Variants in FER observed in about 807,000 individuals in gnomAD.
FER encodes the protein tyrosine-protein kinase Fer.
Under a neutral mutation model 111.0 loss-of-function variants are expected in FER, and 63 were observed. That is an observed-to-expected ratio of 0.57 (90% CI 0.46 to 0.70). The LOEUF is 0.70. Among genes scored for constraint, FER ranks in the 30% least tolerant of loss-of-function variants. FER has a pLI of 0.00. For synonymous variants in FER, 327 were observed against 313.9 expected (o/e 1.04, Z -0.44); for missense variants, 914 against 954.0 (o/e 0.96, Z 0.55).
At chr5:109,051,865 A>G (rs1772880547) in intron 16 of FER, 2 of 1,570,664 alleles carry the variant, frequency 1.3e-6, no homozygotes, top group Non-Finnish European at 1.8e-6. Context: ...GCAAGAGAGG[A>G]AGCAGTCCAC....
intron 15 of FER, among the ~76,000 whole-genome samples, chr5:109,046,346 AATAT>A (rs145546640): frequency 6.7e-6 from 1 of 149,824 alleles, no homozygotes; most frequent in African/African-American, 2.4e-5. Context: ...TGTGTTAAAA[AATAT>A]ATATATATAT....
rs188414586 is a variant in FER, at chr5:109,193,959, A to T, written c.*6384A>T. ...TTGGAGTCCTAGATGTGGAGACAGG[A>T]TGATCAGGTCACACTTGTTAGATGA... On this transcript the variant is annotated 3_prime_UTR_variant, in exon 20 of 20. Coordinates refer to ENST00000281092, the MANE Select transcript of FER (RefSeq NM_005246.4). The T allele has an allele frequency of 6.6e-6, 1 of 152,202 alleles. No homozygotes were observed. The highest frequency in any genetic ancestry group is 1.5e-5 in the Non-Finnish European group (1 of 68,056). 9.4% of individuals were successfully genotyped at this position (152,202 alleles called of 1,614,324 possible).
chr5:108,827,383 A>C (rs1203321100), intron 3 of FER, among the ~76,000 whole-genome samples: 1 of 152,174 alleles, frequency 6.6e-6, no homozygotes, highest in Non-Finnish European at 1.5e-5. Context: ...TCCGTACCCT[A>C]TATCTTGAAG....
chr5:108,997,711 C>T (rs1224378529), intron 13 of FER, among the ~76,000 whole-genome samples: 2 of 152,072 alleles, frequency 1.3e-5, no homozygotes, highest in Non-Finnish European at 2.9e-5. Flanking sequence ...ACGGTTATGT[C>T]TGCTGAAGCT....
chr5:108,946,249 C>T (rs1426716105), intron 11 of FER, 27 bp downstream of exon 11: 7 of 1,518,928 alleles, frequency 4.6e-6, no homozygotes, highest in Non-Finnish European at 6.4e-6. Flanking sequence ...CTCTGTGCTA[C>T]TGAAAATGGT....
rs1293800990 is a variant in FER at position 109,070,510 on chromosome 5, A to T, written c.1924+23312A>T. 1.8e-4 allele frequency among the ~76,000 whole-genome samples: 27 copies of T among 152,034 alleles called. 1 individual carries two copies. Among genetic ancestry groups the T allele is most frequent in the Admixed American group, 1.6e-3 (24 of 15,264 alleles). On this transcript the variant is annotated intron_variant, in intron 16 of 19. Transcript: ENST00000281092. ...AGGTGTTCCCTGTGACGAGCAAGAT[A>T]ATAACATAACAGTAGCTCCATAATA...
chr5:109,118,973 G>C (rs1750620760), intron 17 of FER, among the ~76,000 whole-genome samples: 1 of 148,584 alleles, frequency 6.7e-6, no homozygotes, highest in South Asian at 2.1e-4. Context: ...TGGATTCATT[G>C]ATTTTTTTGA....
rs1759525465 is a variant in FER at position 109,193,557 on chromosome 5, T to A, written c.*5982T>A. The A allele has an allele frequency of 6.6e-6, 1 of 152,056 alleles. No individual in the cohort carries two copies. Among genetic ancestry groups the A allele is most frequent in the African/African-American group, 2.4e-5 (1 of 41,430 alleles). 9.4% of individuals were successfully genotyped at this position (152,056 alleles called of 1,614,324 possible). ...CTACAAAATAATGAACTGTTCTAAGTGACAGTGTTGATGCTGGAAGTGGAA... is the reference window on the plus strand; with the variant it reads ...CTACAAAATAATGAACTGTTCTAAGAGACAGTGTTGATGCTGGAAGTGGAA... On this transcript the variant is annotated 3_prime_UTR_variant, in exon 20 of 20. Coordinates refer to ENST00000281092, the MANE Select transcript of FER (RefSeq NM_005246.4).
intron 16 of FER, among the ~76,000 whole-genome samples, chr5:109,066,677 C>G (rs1268509751): frequency 6.6e-6 from 1 of 152,090 alleles, no homozygotes; most frequent in Non-Finnish European, 1.5e-5. Context: ...AGAAATACAC[C>G]TGTTTTTCTT....
At position 108,836,310 on chromosome 5, in the gene FER, T is replaced by C. The variant is rs116780149; in HGVS notation, c.481+503T>C. On this transcript the variant is annotated intron_variant, in intron 5 of 19. Coordinates refer to ENST00000281092, the MANE Select transcript of FER (RefSeq NM_005246.4). The stretch of plus-strand genomic sequence containing the variant: ...AATGGAAAGAGAAGCATATTATTTA[T>C]GTTTCAAACAGAGATTTATGGTTAT... Among the ~76,000 whole-genome samples, 580 of 152,258 alleles carry C rather than the reference T, an allele frequency of 3.8e-3. 3 individuals carry two copies. The highest frequency in any genetic ancestry group is 0.01 in the Middle Eastern group (3 of 286).
At chr5:109,186,049 C>CCATTATACTGGGACCACTGT in intron 18 of FER, 151 bp from the exon 19 acceptor site, 3 of 1,090,070 alleles carry the variant, frequency 2.8e-6, no homozygotes, top group Non-Finnish European at 4.1e-6. Flanking sequence ...TTTTTTAGCT[C>CCATTATACTGGGACCACTGT]CATTATACTG....
At chr5:109,170,469 C>T (rs1304470775) in intron 17 of FER, among the ~76,000 whole-genome samples, 1 of 152,168 alleles carries the variant, frequency 6.6e-6, no homozygotes, top group Non-Finnish European at 1.5e-5. Context: ...AGATTCCATA[C>T]TCAGCCACTT....
intron 10 of FER, among the ~76,000 whole-genome samples, chr5:108,939,207 G>C (rs185764587): frequency 1.4e-3 from 154 of 112,562 alleles, no homozygotes; most frequent in Non-Finnish European, 1.3e-3. Context: ...AGTTTATAAA[G>C]AATTTAATCT....
At chr5:109,126,943 A>G (rs558836883) in intron 17 of FER, among the ~76,000 whole-genome samples, 3 of 152,288 alleles carry the variant, frequency 2.0e-5, no homozygotes, top group East Asian at 1.9e-4. Context: ...AGGGAGAACA[A>G]ATTTCCAGGC....
intron 2 of FER, among the ~76,000 whole-genome samples, chr5:108,779,482 T>A (rs938550109): frequency 1.3e-5 from 2 of 152,206 alleles, no homozygotes; most frequent in Non-Finnish European, 2.9e-5. Context: ...AGTGTGTAAG[T>A]TTTTCTCATA....
intron 16 of FER, among the ~76,000 whole-genome samples, chr5:109,068,787 A>T (rs1038611344): frequency 6.6e-6 from 1 of 152,234 alleles, no homozygotes; most frequent in South Asian, 2.1e-4. Flanking sequence ...TTCTTAACTC[A>T]TTCTGAGTTC....
chr5:109,062,745 A>G (rs540259423), intron 16 of FER, among the ~76,000 whole-genome samples: 2 of 152,120 alleles, frequency 1.3e-5, no homozygotes, highest in Non-Finnish European at 2.9e-5. Context: ...AAAAAATGTC[A>G]GTCTCAACTT....
chr5:109,029,919 A>T (rs1211940885), intron 13 of FER, among the ~76,000 whole-genome samples: 1 of 151,612 alleles, frequency 6.6e-6, no homozygotes, highest in Non-Finnish European at 1.5e-5. Flanking sequence ...TTTCAGCCCT[A>T]CTCTTTCTCC....
intron 13 of FER, among the ~76,000 whole-genome samples, chr5:109,024,969 A>T (rs1438081731): frequency 6.6e-6 from 1 of 151,188 alleles, no homozygotes. Flanking sequence ...GTTCTGTTCC[A>T]TTGATCTATA....
Sources: allele counts gnomAD v4.1 joint callset (sites outside exome capture counted in the v4.1 genomes callset), GRCh38; gene constraint gnomAD v4.1.1; transcripts MANE v1.5; gene names NCBI Gene and HGNC (gene_info 2026-07-23, HGNC 2026-07-21).